The following CLIP1 variants were observed in gnomAD, a reference collection of about 807,000 sequenced individuals.
The protein encoded by CLIP1 is CAP-Gly domain-containing linker protein 1.
A neutral mutation model predicts 161.6 loss-of-function variants in CLIP1; 66 were observed. The ratio of observed to expected loss-of-function variants is 0.41; its 90% CI spans 0.33 to 0.50. The LOEUF is 0.50. CLIP1 is among the 20% of genes least tolerant of loss of function. The pLI is 0.27. For synonymous variants in CLIP1, 598 were observed against 626.2 expected (o/e 0.96, Z 0.67); for missense variants, 1,376 against 1,702.0 (o/e 0.81, Z 3.37).
intron 4 of CLIP1, among the ~76,000 whole-genome samples, chr12:122,362,855 G>A (rs1253163292): frequency 6.6e-6 from 1 of 151,644 alleles, no homozygotes; most frequent in Non-Finnish European, 1.5e-5. Context: ...ACTGACATGG[G>A]CAATGCCATG....
At chr12:122,290,172 T>C (rs12814923) in intron 20 of CLIP1, among the ~76,000 whole-genome samples, 34,008 of 152,182 alleles carry the variant, frequency 0.22, 4,965 homozygotes, top group East Asian at 0.62. Flanking sequence ...AATTATTACT[T>C]ATGTTCATGC....
At chr12:122,320,037 G>A (rs962557738) in intron 17 of CLIP1, among the ~76,000 whole-genome samples, 3 of 152,072 alleles carry the variant, frequency 2.0e-5, no homozygotes, top group African/African-American at 7.2e-5. Flanking sequence ...CACTTTGGGA[G>A]GCCGAGGCAG....
chr12:122,400,538 C>T (rs1566231563), intron 1 of CLIP1: 1 of 152,152 alleles, frequency 6.6e-6, no homozygotes, highest in Non-Finnish European at 1.5e-5. Flanking sequence ...AAATGGCTCT[C>T]CAAGAACACA....
chr12:122,338,108 A>G (rs4039670), intron 11 of CLIP1, among the ~76,000 whole-genome samples: 119,198 of 151,514 alleles, frequency 0.79, 47,216 homozygotes, highest in African/African-American at 0.86. Flanking sequence ...GGCCGAGGTC[A>G]GCAGATCTCA....
intron 11 of CLIP1, 127 bp downstream of exon 11, chr12:122,340,626 C>T: frequency 1.4e-6 from 1 of 716,154 alleles, no homozygotes; most frequent in Non-Finnish European, 2.3e-6. Context: ...CTATACTCAA[C>T]TGGGGACATC....
intron 20 of CLIP1, among the ~76,000 whole-genome samples, chr12:122,309,098 AG>A (rs1488876615): frequency 6.6e-6 from 1 of 152,266 alleles, no homozygotes; most frequent in Non-Finnish European, 1.5e-5. Flanking sequence ...GAAGAATAAA[AG>A]GCAGATATAG....
chr12:122,391,371 A>C (rs1320699871), intron 1 of CLIP1, among the ~76,000 whole-genome samples: 1 of 152,130 alleles, frequency 6.6e-6, no homozygotes. Flanking sequence ...GGATCACCTG[A>C]GGTCAGGAGT....
rs532855387 is a variant in CLIP1, at chr12:122,363,769, A to C, written c.782+214T>G. 1.6e-4 allele frequency among the ~76,000 whole-genome samples: 24 copies of C among 152,126 alleles called. No homozygotes were observed. The East Asian group carries it at 1.7e-3, about 11-fold the overall frequency. ...TAAACAGAATGCTTGTTCAGAATCT[A>C]CTCAGACATACTACATGTATTACTA... On this transcript the variant is annotated intron_variant, in intron 4 of 25. Coordinates refer to ENST00000620786, the MANE Select transcript of CLIP1 (RefSeq NM_001247997.2).
chr12:122,374,151 T>TA (rs1324396481), intron 3 of CLIP1, among the ~76,000 whole-genome samples: 1 of 149,074 alleles, frequency 6.7e-6, no homozygotes, highest in Non-Finnish European at 1.5e-5. Flanking sequence ...GCCTGGCCAA[T>TA]ATGGTGAAAC....
In CLIP1 at chr12:122,341,145, C is replaced by A. The variant is rs976997618; in HGVS notation, c.2059G>T (p.Ala687Ser). 2 of 1,614,190 alleles carry A rather than the reference C, an allele frequency of 1.2e-6. No homozygotes were observed. Among genetic ancestry groups the A allele is most frequent in the Admixed American group, 3.3e-5 (2 of 60,016 alleles). ...LQNQQDSERA[A>S]HAKEMEALRA... is the part of the protein sequence containing the mutation. ...AAGGCTTCCATCTCTTTAGCATGGG[C>A]AGCCCGTTCAGAGTCTTGTTGATTC... The change falls in exon 11 of 26, where the codon GCC becomes TCC. Residue 687 changes from alanine to serine, a missense_variant. Physicochemically the swap from Ala to Ser is moderately conservative, Grantham distance 99 (BLOSUM62 1). This residue lies in a region of CLIP1 where 948 missense variants were observed against 1,134.8 expected (regional missense o/e 0.84). Coordinates refer to ENST00000620786, the MANE Select transcript of CLIP1 (RefSeq NM_001247997.2).
chr12:122,412,579 C>T (rs537751821), intron 1 of CLIP1, among the ~76,000 whole-genome samples: 49 of 151,696 alleles, frequency 3.2e-4, no homozygotes, highest in African/African-American at 1.2e-3. Context: ...CATTTGAACT[C>T]GGTAGGCGGA....
At position 122,276,407 on chromosome 12, in the gene CLIP1, T is replaced by TACACACACACACACACACACAC. The variant is rs1555253521; in HGVS notation, c.3966+1746_3966+1747insGTGTGTGTGTGTGTGTGTGTGT. 2.8e-5 allele frequency: 26 copies of TACACACACACACACACACACAC among 917,858 alleles called. No individual in the cohort carries two copies. The African/African-American group carries it at 1.3e-3, about 47-fold the overall frequency. 56.9% of individuals were successfully genotyped at this position (917,858 alleles called of 1,614,324 possible). On this transcript the variant is annotated intron_variant, in intron 24 of 25. Transcript: ENST00000620786. ...CCACACACACACACACACACACACG[T>TACACACACACACACACACACAC]GTGCACGCAAATTAGGAAACATGAA...
At chr12:122,318,228 T>C (rs1951343596) in intron 18 of CLIP1, among the ~76,000 whole-genome samples, 2 of 152,148 alleles carry the variant, frequency 1.3e-5, no homozygotes, top group Non-Finnish European at 2.9e-5. Context: ...ATGTCTTACC[T>C]GCCTATTACT....
chr12:122,283,698 A>C (rs900429685), intron 21 of CLIP1, among the ~76,000 whole-genome samples: 2 of 152,016 alleles, frequency 1.3e-5, no homozygotes, highest in African/African-American at 4.8e-5. Context: ...ACCTCAGGTG[A>C]TCCTCCCAAA....
At position 122,271,744 on chromosome 12, in the gene CLIP1, G is replaced by C. The variant is rs1202825778; in HGVS notation, c.*1131C>G. The C allele has an allele frequency of 6.6e-6, 1 of 152,606 alleles. No homozygotes were observed. The highest frequency in any genetic ancestry group is 1.9e-4 in the East Asian group (1 of 5,192). The allele number at this position is 152,606 out of a possible 1,614,324, so 9.5% of individuals were successfully genotyped here. ...ATAGATTCAAACTGGTCGATAAACT[G>C]TTCAGGTGCTTTGAGGTCCTTCATT... On this transcript the variant is annotated 3_prime_UTR_variant, in exon 26 of 26. Coordinates refer to ENST00000620786, the MANE Select transcript of CLIP1 (RefSeq NM_001247997.2).
At chr12:122,347,675 TGGTGGGC>T (rs761199787) in intron 9 of CLIP1, among the ~76,000 whole-genome samples, 196 bp from the exon 10 acceptor site, 1 of 151,938 alleles carries the variant, frequency 6.6e-6, no homozygotes, top group Non-Finnish European at 1.5e-5. Context: ...CAAAGGATGG[TGGTGGGC>T]AGGGGGCATG....
intron 2 of CLIP1, among the ~76,000 whole-genome samples, chr12:122,379,943 T>TAAAAAAAAAAAAAAAAAA (rs1566198620): frequency 0.015 from 1,057 of 70,154 alleles, 86 homozygotes; most frequent in South Asian, 0.029. Context: ...GACTCCATCT[T>TAAAAAAAAAAAAAAAAAA]TAAAAAAAAA....
chr12:122,398,519 A>C (rs952076068), intron 1 of CLIP1, among the ~76,000 whole-genome samples: 2 of 152,072 alleles, frequency 1.3e-5, no homozygotes, highest in Non-Finnish European at 2.9e-5. Flanking sequence ...TTAAAGTACT[A>C]TATTTTTATA....
intron 17 of CLIP1, among the ~76,000 whole-genome samples, chr12:122,320,050 G>A (rs184480749): frequency 0.01 from 1,496 of 148,234 alleles, 12 homozygotes; most frequent in Non-Finnish European, 0.016. Flanking sequence ...CGAGGCAGGC[G>A]GATCACGAGG....
Sources: allele counts gnomAD v4.1 joint callset (sites outside exome capture counted in the v4.1 genomes callset), GRCh38; gene constraint gnomAD v4.1.1; regional missense constraint gnomAD v4.1.1; transcripts MANE v1.5; gene names NCBI Gene and HGNC (gene_info 2026-07-23, HGNC 2026-07-21).